The following SLC30A5 variants were observed in gnomAD, a reference collection of about 807,000 sequenced individuals.
The protein encoded by SLC30A5 is proton-coupled zinc antiporter SLC30A5.
In SLC30A5, 33 loss-of-function variants were observed where a neutral mutation model predicts 79.6. The ratio of observed to expected loss-of-function variants is 0.41; its 90% CI spans 0.31 to 0.55. The LOEUF is 0.55. Among genes scored for constraint, SLC30A5 ranks in the 20% least tolerant of loss-of-function variants. The pLI is 0.20. For synonymous variants in SLC30A5, 299 were observed against 319.7 expected (o/e 0.94, Z 0.69); for missense variants, 788 against 928.1 (o/e 0.85, Z 1.96).
intron 5 of SLC30A5, 70 bp from the exon 6 acceptor site, chr5:69,113,070 T>TTA: frequency 8.2e-7 from 1 of 1,215,878 alleles, no homozygotes; most frequent in Non-Finnish European, 1.2e-6. Context: ...TCTTTAGTAT[T>TTA]TATGTAGTTA....
At position 69,130,133 on chromosome 5, in the gene SLC30A5, T is replaced by C. The variant is rs1160775035; in HGVS notation, c.*516T>C. The C allele has an allele frequency of 6.6e-6, 1 of 152,168 alleles. No homozygotes were observed. Among genetic ancestry groups the C allele is most frequent in the African/African-American group, 2.4e-5 (1 of 41,448 alleles). 9.4% of individuals were successfully genotyped at this position (152,168 alleles called of 1,614,324 possible). On this transcript the variant is annotated 3_prime_UTR_variant, in exon 16 of 16. Transcript: ENST00000396591. Reference sequence around the variant, plus strand: ...CTGTATTGCCACTTTAAATGTAAACTAAATTATTTGGGAGAAACTTCAACC... The same window carrying C: ...CTGTATTGCCACTTTAAATGTAAACCAAATTATTTGGGAGAAACTTCAACC...
intron 10 of SLC30A5, 78 bp from the exon 11 acceptor site, chr5:69,117,161 G>A (rs1746392795): frequency 8.6e-6 from 10 of 1,164,514 alleles, no homozygotes; most frequent in Non-Finnish European, 1.2e-5. Flanking sequence ...AGTAAATTTG[G>A]ATAATTAAGG....
chr5:69,100,419 G>A (rs546660656), intron 1 of SLC30A5, among the ~76,000 whole-genome samples: 4 of 152,134 alleles, frequency 2.6e-5, no homozygotes, highest in South Asian at 2.1e-4. Flanking sequence ...TGTATTTTTT[G>A]TAGAGATAGG....
At chr5:69,102,658 G>A (rs111457228) in intron 2 of SLC30A5, 2,422 of 152,262 alleles carry the variant, frequency 0.016, 70 homozygotes, top group African/African-American at 0.055. Flanking sequence ...TCAGGAGTTC[G>A]AGACCAGCCT....
At position 69,129,908 on chromosome 5, in the gene SLC30A5, T is replaced by C. The variant is rs1746806956; in HGVS notation, c.*291T>C. 1 of 197,632 alleles carries C rather than the reference T, an allele frequency of 5.1e-6. No homozygotes were observed. Among genetic ancestry groups the C allele is most frequent in the South Asian group, 1.8e-4 (1 of 5,534 alleles). The allele number at this position is 197,632 out of a possible 1,614,324, so 12.2% of individuals were successfully genotyped here. On this transcript the variant is annotated 3_prime_UTR_variant, in exon 16 of 16. Coordinates refer to ENST00000396591, the MANE Select transcript of SLC30A5 (RefSeq NM_022902.5). The stretch of plus-strand genomic sequence containing the variant: ...TGATGGATTCTAGTGAAGACCAAAA[T>C]TACTTCTGTTTACTTTCTATCAGGA...
At chr5:69,100,776 A>G in intron 1 of SLC30A5, 31 bp from the exon 2 acceptor site, 1 of 1,560,536 alleles carries the variant, frequency 6.4e-7, no homozygotes, top group Non-Finnish European at 8.8e-7. Context: ...TTTCAGTGAT[A>G]CTAAAAATTG....
chr5:69,127,746 A>T (rs1317470194), intron 14 of SLC30A5, among the ~76,000 whole-genome samples: 1 of 152,092 alleles, frequency 6.6e-6, no homozygotes, highest in Non-Finnish European at 1.5e-5. Flanking sequence ...TTTTTCCCCC[A>T]CACATCTGTA....
chr5:69,118,450 TA>T (rs765145566), intron 11 of SLC30A5, 48 bp from the exon 12 acceptor site: 18 of 1,536,870 alleles, frequency 1.2e-5, no homozygotes, highest in Admixed American at 9.8e-5. Context: ...GTTTATACTT[TA>T]AAAATATTTG....
intron 4 of SLC30A5, among the ~76,000 whole-genome samples, chr5:69,106,251 G>GA (rs554902070): frequency 5.4e-4 from 83 of 152,298 alleles, no homozygotes; most frequent in African/African-American, 1.8e-3. Flanking sequence ...GGAGGGCTGA[G>GA]AAAGCTAGCT....
chr5:69,119,637 G>GA (rs1746481692), intron 12 of SLC30A5, among the ~76,000 whole-genome samples: 1 of 152,118 alleles, frequency 6.6e-6, no homozygotes, highest in African/African-American at 2.4e-5. Context: ...ATACAGTTTG[G>GA]AAAAATAGAC....
Position 69,129,701 on chromosome 5 carries a change from T to A in SLC30A5, c.*84T>A, listed in dbSNP as rs898859477. On this transcript the variant is annotated 3_prime_UTR_variant, in exon 16 of 16. Coordinates refer to ENST00000396591, the MANE Select transcript of SLC30A5 (RefSeq NM_022902.5). ...GTAATATTGCCAGAAGGATAAAAATTACACATTAACTGTACAGAAACAGAG... is the reference window on the plus strand; with the variant it reads ...GTAATATTGCCAGAAGGATAAAAATAACACATTAACTGTACAGAAACAGAG... 1.6e-6 allele frequency: 2 copies of A among 1,283,978 alleles called. No homozygotes were observed. Among genetic ancestry groups the A allele is most frequent in the African/African-American group, 3.0e-5 (2 of 67,602 alleles). 79.5% of individuals were successfully genotyped at this position (1,283,978 alleles called of 1,614,324 possible). A position where few individuals can be genotyped will look rare whatever the true frequency, so the allele number is the denominator to read the frequency against.
chr5:69,113,319 C>T (rs1746284086), intron 6 of SLC30A5, 92 bp downstream of exon 6: 1 of 875,054 alleles, frequency 1.1e-6, no homozygotes, highest in South Asian at 1.6e-5. Flanking sequence ...GTGAATTAAA[C>T]TGATCAATGA....
rs397840868 is a variant in SLC30A5, at chr5:69,100,937, TG to T, written c.206+17del. 5,266 of 1,383,500 alleles carry T rather than the reference TG, an allele frequency of 3.8e-3. No homozygotes were observed. Among genetic ancestry groups the T allele is most frequent in the East Asian group, 7.1e-3 (261 of 36,952 alleles). 85.7% of individuals were successfully genotyped at this position (1,383,500 alleles called of 1,614,324 possible). On this transcript the variant is annotated intron_variant, in intron 2 of 15. Transcript: ENST00000396591. ...TTTTATATTAAAACTTGGGTGAGTG[TG>T]GGGGGGGGTTTTTTCTTGATATTTT...
chr5:69,115,857 C>A (rs962885120), intron 8 of SLC30A5, 69 bp from the exon 9 acceptor site: 1 of 1,286,444 alleles, frequency 7.8e-7, no homozygotes, highest in Non-Finnish European at 1.1e-6. Context: ...AAAAGATTAA[C>A]AGAAACATCT....
chr5:69,104,038 G>A lies in SLC30A5; in HGVS notation c.274-593G>A, dbSNP rs149411489. 305 of 1,561,476 alleles carry A rather than the reference G, an allele frequency of 2.0e-4. 1 individual carries two copies. In the African/African-American group the frequency reaches 3.9e-3, roughly 20 times the overall value. On this transcript the variant is annotated intron_variant, in intron 3 of 15. Transcript: ENST00000396591. ...TTAAATGATCCTAGGAAACTAGTGG[G>A]AAACTGAGAAATCATAAAATTGTAC...
intron 8 of SLC30A5, 45 bp from the exon 9 acceptor site, chr5:69,115,881 C>T: frequency 6.8e-7 from 1 of 1,465,464 alleles, no homozygotes; most frequent in Non-Finnish European, 9.3e-7. Context: ...AAGATGTGAA[C>T]TTTATACATG....
chr5:69,128,679 T>C (rs1341947589), intron 15 of SLC30A5, among the ~76,000 whole-genome samples: 1 of 152,178 alleles, frequency 6.6e-6, no homozygotes, highest in African/African-American at 2.4e-5. Flanking sequence ...TTAATTAATA[T>C]AAAAAAATTC....
At chr5:69,100,245 G>A (rs1332768349) in intron 1 of SLC30A5, among the ~76,000 whole-genome samples, 2 of 152,104 alleles carry the variant, frequency 1.3e-5, no homozygotes, top group Non-Finnish European at 2.9e-5. Context: ...TGGGATTACA[G>A]GCATGAGCGC....
Position 69,110,405 on chromosome 5 carries a change from G to A in SLC30A5, c.447+1969G>A, listed in dbSNP as rs1378233133. ...AAAGTAATGAAGGGAGATGAATGAA[G>A]TAATGAAGTGAACAAAGTAACATGC... On this transcript the variant is annotated intron_variant, in intron 5 of 15. Coordinates refer to ENST00000396591, the MANE Select transcript of SLC30A5 (RefSeq NM_022902.5). Among the ~76,000 whole-genome samples, 3 of 152,274 alleles carry A rather than the reference G, an allele frequency of 2.0e-5. No homozygotes were observed. In the East Asian group the frequency reaches 5.8e-4, roughly 29 times the overall value.
Sources: gnomAD v4.1 joint callset for allele counts (sites outside exome capture counted in the v4.1 genomes callset) on GRCh38, gnomAD v4.1.1 for gene constraint, MANE v1.5 for transcripts, NCBI Gene and HGNC (gene_info 2026-07-23, HGNC 2026-07-21) for gene names.